The following FBXL8 variants were observed in gnomAD, a reference collection of about 807,000 sequenced individuals.
FBXL8 encodes F-box and leucine rich repeat protein 8.
A neutral mutation model predicts 8.2 loss-of-function variants in FBXL8; 13 were observed. That is an observed-to-expected ratio of 1.58 (90% CI 1.03 to 2.51). The LOEUF is 2.51. Among genes scored for constraint, FBXL8 ranks in the 30% most tolerant of loss-of-function variants. The pLI, the probability that FBXL8 is intolerant of heterozygous loss-of-function variation, is 0.00. For missense variants in FBXL8, 565 were observed against 540.4 expected (o/e 1.05, Z -0.45); for synonymous variants, 271 against 260.5 (o/e 1.04, Z -0.39).
intron 2 of FBXL8, 54 bp downstream of exon 2, chr16:67,161,991 G>A: frequency 2.0e-6 from 3 of 1,523,344 alleles, no homozygotes; most frequent in Non-Finnish European, 2.6e-6. Flanking sequence ...CTTCTCCGTG[G>A]AGTCGTGGGC....
chr16:67,162,970 T>A lies in FBXL8; in HGVS notation c.275T>A (p.Leu92Gln). 6.4e-7 allele frequency: 1 copy of A among 1,561,928 alleles called. No homozygotes were observed. Residue 92 changes from leucine (L) to glutamine (Q), a missense_variant, in exon 3 of 3, where the codon CTG becomes CAG. Coordinates refer to ENST00000258200, the MANE Select transcript of FBXL8 (RefSeq NM_018378.3). ...CCGAGCCGCCGGGCGGCCATCGAGC[T>A]GCTGATGGTTCTGGCGGGCCGTGCC... ...RKPSRRAAIE[L>Q]LMVLAGRAPG... is the part of the protein sequence containing the mutation.
At position 67,161,842 on chromosome 16, in the gene FBXL8, C is replaced by T; in HGVS notation, c.57C>T (p.His19=). 2 of 1,610,948 alleles carry T rather than the reference C, an allele frequency of 1.2e-6. No individual in the cohort carries two copies. Among genetic ancestry groups the T allele is most frequent in the South Asian group, 1.1e-5 (1 of 90,378 alleles). The part of the protein sequence containing the change: ...PEEVLALIFR[H]LSLRDRAAAA... ...AGGTGCTGGCACTCATCTTCCGCCA[C>T]CTGTCCCTGAGAGACCGTGCTGCCG... Residue 19 remains histidine (H), a synonymous_variant, in exon 2 of 3, where the codon CAC becomes CAT. Coordinates refer to ENST00000258200, the MANE Select transcript of FBXL8 (RefSeq NM_018378.3).
At chr16:67,162,485 G>T (rs1046313405) in intron 2 of FBXL8, 24 of 655,642 alleles carry the variant, frequency 3.7e-5, no homozygotes, top group Non-Finnish European at 6.7e-5. Context: ...GGAAACTGAG[G>T]CAAAGAGACT....
In FBXL8 at chr16:67,163,901, T is replaced by C; in HGVS notation, c.*81T>C. On this transcript the variant is annotated 3_prime_UTR_variant, in exon 3 of 3. Transcript: ENST00000258200. ...GGGGGGTGTCCAGGCGCGCCCCGAGTGCTAGTGCCTTCTTTTGGGATTGTT... is the reference window on the plus strand; with the variant it reads ...GGGGGGTGTCCAGGCGCGCCCCGAGCGCTAGTGCCTTCTTTTGGGATTGTT... 6.6e-7 allele frequency: 1 copy of C among 1,521,504 alleles called. No individual in the cohort carries two copies. Among genetic ancestry groups the C allele is most frequent in the Non-Finnish European group, 8.8e-7 (1 of 1,137,964 alleles). 94.3% of individuals were successfully genotyped at this position (1,521,504 alleles called of 1,614,324 possible).
In FBXL8 at chr16:67,163,613, C is replaced by T; in HGVS notation, c.918C>T (p.Leu306=). 1 of 1,568,334 alleles carries T rather than the reference C, an allele frequency of 6.4e-7. No individual in the cohort carries two copies. The highest frequency in any genetic ancestry group is 8.6e-7 in the Non-Finnish European group (1 of 1,167,072). ...AHHYAATLCA[L]EVRAAASAEL... ...ACTACGCCGCAACCCTGTGCGCGCT[C>T]GAGGTGCGCGCAGCCGCTTCGGCCG... is the stretch of plus-strand genomic sequence containing the variant. Residue 306 remains leucine (L), a synonymous_variant, in exon 3 of 3, where the codon CTC becomes CTT. Coordinates refer to ENST00000258200, the MANE Select transcript of FBXL8 (RefSeq NM_018378.3).
chr16:67,160,964 C>A (rs1234165552), intron 1 of FBXL8, among the ~76,000 whole-genome samples: 1 of 151,832 alleles, frequency 6.6e-6, no homozygotes, highest in Non-Finnish European at 1.5e-5. Context: ...AGGAAGCACC[C>A]GGGACATCTC....
rs992923412 is a variant in FBXL8 at position 67,163,421 on chromosome 16, G to C, written c.726G>C (p.Trp242Cys). The change falls in exon 3 of 3, where the codon TGG becomes TGC. Residue 242 changes from tryptophan to cysteine, a missense_variant. Coordinates refer to ENST00000258200, the MANE Select transcript of FBXL8 (RefSeq NM_018378.3). The stretch of plus-strand genomic sequence containing the variant: ...CGTCCCCGCTGCCCAACGAAGCCTG[G>C]GTCGCGTTGCGCCGCCGCCACCCTG... ...ARASPLPNEA[W>C]VALRRRHPGL... is the part of the protein sequence containing the mutation. The C allele has an allele frequency of 3.9e-6, 6 of 1,536,710 alleles. No homozygotes were observed. The highest frequency in any genetic ancestry group is 5.2e-6 in the Non-Finnish European group (6 of 1,147,012).
chr16:67,161,084 C>G (rs930330023), intron 1 of FBXL8: 4 of 154,888 alleles, frequency 2.6e-5, no homozygotes, highest in Admixed American at 1.3e-4. Context: ...AAAGAAAAGC[C>G]TACATTAACG....
rs1297994338 is a variant in FBXL8, at chr16:67,163,588, A to G, written c.893A>G (p.His298Arg). ...GGCCCAGTGCGCTTCGCAGCACACC[A>G]CTACGCCGCAACCCTGTGCGCGCTC... The part of the protein sequence containing the change: ...TVGPVRFAAH[H>R]YAATLCALEV... Residue 298 changes from histidine (H) to arginine (R), a missense_variant, in exon 3 of 3, where the codon CAC becomes CGC. Coordinates refer to ENST00000258200, the MANE Select transcript of FBXL8 (RefSeq NM_018378.3). 1.3e-6 allele frequency: 2 copies of G among 1,579,186 alleles called. No individual in the cohort carries two copies. Among genetic ancestry groups the G allele is most frequent in the Non-Finnish European group, 1.7e-6 (2 of 1,171,208 alleles).
Position 67,161,800 on chromosome 16 carries a change from A to G in FBXL8, c.15A>G (p.Gly5=), listed in dbSNP as rs1458011803. 1 of 1,607,572 alleles carries G rather than the reference A, an allele frequency of 6.2e-7. No homozygotes were observed. Residue 5 remains glycine, a synonymous_variant, in exon 2 of 3, where the codon GGA becomes GGG. Coordinates refer to ENST00000258200, the MANE Select transcript of FBXL8 (RefSeq NM_018378.3). ...GGATCTGGGCCATGGCCGAGCCTGG[A>G]GAGGGACTGCCAGAGGAGGTGCTGG... is the stretch of plus-strand genomic sequence containing the variant. MAEP[G]EGLPEEVLAL... is the part of the protein sequence containing the mutation.
At chr16:67,161,676 T>A in intron 1 of FBXL8, 59 bp from the exon 2 acceptor site, 1 of 1,360,930 alleles carries the variant, frequency 7.3e-7, no homozygotes, top group Non-Finnish European at 9.7e-7. Flanking sequence ...ACACCTAAGC[T>A]CGGTCTTCCT....
At chr16:67,161,487 C>A (rs1015836600) in intron 1 of FBXL8, among the ~76,000 whole-genome samples, 4 of 151,056 alleles carry the variant, frequency 2.6e-5, no homozygotes, top group Admixed American at 2.0e-4. Context: ...GAGTTCTCAA[C>A]GTGGAACCTG....
In FBXL8 at chr16:67,161,952, C is replaced by T; in HGVS notation, c.152+15C>T. 7.5e-6 allele frequency: 12 copies of T among 1,592,006 alleles called. No homozygotes were observed. Among genetic ancestry groups the T allele is most frequent in the Non-Finnish European group, 1.0e-5 (12 of 1,169,486 alleles). On this transcript the variant is annotated intron_variant, in intron 2 of 2. Transcript: ENST00000258200. ...ACAAAAATCAGGTGAGCCTGCTCCT[C>T]CACACTCCTCTCCCCACCGCCCACT...
chr16:67,163,758 C>A lies in FBXL8; in HGVS notation c.1063C>A (p.Arg355Ser), dbSNP rs1470363018. The A allele has an allele frequency of 1.9e-6, 3 of 1,589,134 alleles. No homozygotes were observed. The East Asian group carries it at 6.7e-5, about 36-fold the overall frequency. ...CTTCCGCGCGCACTGCCCGCGCCTG[C>A]GCACCTATACCCTCAAGCTCACGCG... ...DAFRAHCPRL[R>S]TYTLKLTREP... Residue 355 changes from arginine to serine, a missense_variant, in exon 3 of 3, where the codon CGC (arginine) becomes AGC (serine). By Grantham distance (110) the Arg-to-Ser change is moderately radical (BLOSUM62 -1). Transcript: ENST00000258200.
At position 67,163,181 on chromosome 16, in the gene FBXL8, C is replaced by G. The variant is rs373470550; in HGVS notation, c.486C>G (p.Pro162=). The G allele has an allele frequency of 6.4e-7, 1 of 1,562,666 alleles. No homozygotes were observed. The change falls in exon 3 of 3, where the codon CCC becomes CCG. Residue 162 remains proline, a synonymous_variant. Transcript: ENST00000258200. ...TGCTGCAGGCGGCGCGCAGCTGTCC[C>G]GAGCTCCACAGCCTTTTTCTGGACA... is the stretch of plus-strand genomic sequence containing the variant. ...ALVLQAARSC[P]ELHSLFLDNS...
rs1445621732 is a variant in FBXL8 at position 67,162,899 on chromosome 16, C to T, written c.204C>T (p.Leu68=). The change falls in exon 3 of 3, where the codon CTC becomes CTT. Residue 68 remains leucine, a synonymous_variant. Coordinates refer to ENST00000258200, the MANE Select transcript of FBXL8 (RefSeq NM_018378.3). Reference sequence around the variant, plus strand: ...TGCCACCTTATCTGTCCGCCTGCCTCGACCACATTCACAACCTACGGCTGG... The same window carrying T: ...TGCCACCTTATCTGTCCGCCTGCCTTGACCACATTCACAACCTACGGCTGG... ...GMLPPYLSAC[L]DHIHNLRLEF... The T allele has an allele frequency of 1.3e-6, 2 of 1,552,538 alleles. No homozygotes were observed. Among genetic ancestry groups the T allele is most frequent in the South Asian group, 2.4e-5 (2 of 84,130 alleles).
In FBXL8 at chr16:67,164,169, G is replaced by T; in HGVS notation, c.*349G>T. The stretch of plus-strand genomic sequence containing the variant: ...GGTGAGTGTGAAATAAACAAATCCT[G>T]CAGTGTTTCTGCGTCCTATTAAAGG... On this transcript the variant is annotated 3_prime_UTR_variant, in exon 3 of 3. Coordinates refer to ENST00000258200, the MANE Select transcript of FBXL8 (RefSeq NM_018378.3). 1 of 569,338 alleles carries T rather than the reference G, an allele frequency of 1.8e-6. No individual in the cohort carries two copies. The highest frequency in any genetic ancestry group is 1.6e-5 in the South Asian group (1 of 63,520). 35.3% of individuals were successfully genotyped at this position (569,338 alleles called of 1,614,324 possible). A position where few individuals can be genotyped will look rare whatever the true frequency, so the allele number is the denominator to read the frequency against.
At chr16:67,162,315 AAC>A in intron 2 of FBXL8, 1 of 454,038 alleles carries the variant, frequency 2.2e-6, no homozygotes, top group Non-Finnish European at 4.0e-6. Context: ...GCGACAGAGT[AAC>A]AGTTTATCTC....
Position 67,163,029 on chromosome 16 carries a change from G to C in FBXL8, c.334G>C (p.Gly112Arg). ...GCGAGGCCTGCGCCTGGAGTGCCGC[G>C]GAGAAAAACCGCTCTTCGACGCGGG... ...GLRGLRLECR[G>R]EKPLFDAGRD... The change falls in exon 3 of 3, where the codon GGA (glycine) becomes CGA (arginine). Residue 112 changes from glycine (G) to arginine (R), a missense_variant. Coordinates refer to ENST00000258200, the MANE Select transcript of FBXL8 (RefSeq NM_018378.3). 6.4e-7 allele frequency: 1 copy of C among 1,560,600 alleles called. No individual in the cohort carries two copies. The highest frequency in any genetic ancestry group is 8.7e-7 in the Non-Finnish European group (1 of 1,152,212).
Sources: gnomAD v4.1 joint callset for allele counts (sites outside exome capture counted in the v4.1 genomes callset) on GRCh38, gnomAD v4.1.1 for gene constraint, MANE v1.5 for transcripts, NCBI Gene and HGNC (gene_info 2026-07-23, HGNC 2026-07-21) for gene names.